The following MCOLN3 variants were observed in gnomAD, a reference collection of about 807,000 sequenced individuals.
The protein encoded by MCOLN3 is mucolipin TRP cation channel 3.
A neutral mutation model predicts 69.4 loss-of-function variants in MCOLN3; 62 were observed. That is an observed-to-expected ratio of 0.89 (90% CI 0.73 to 1.10). The LOEUF (loss-of-function observed/expected upper bound fraction) is 1.10, where lower values mean the gene tolerates loss of function less well. Among genes scored for constraint, MCOLN3 ranks in the 50% least tolerant of loss-of-function variants. The pLI is 0.00. For missense variants in MCOLN3, 564 were observed against 656.4 expected, an observed-to-expected ratio of 0.86 and a Z score of 1.54; for synonymous variants, 183 against 217.0, an observed-to-expected ratio of 0.84 and a Z score of 1.38.
chr1:85,022,655 TG>T, intron 9 of MCOLN3: 1 of 316,006 alleles, frequency 3.2e-6, no homozygotes, highest in East Asian at 6.9e-5. Flanking sequence ...GGATAAGGAA[TG>T]GGTATGGGTT....
chr1:85,018,107 A>T lies in MCOLN3; in HGVS notation c.*1016T>A, dbSNP rs1041827461. 1 of 152,224 alleles carries T rather than the reference A, an allele frequency of 6.6e-6. No individual in the cohort carries two copies. Among genetic ancestry groups the T allele is most frequent in the Non-Finnish European group, 1.5e-5 (1 of 68,040 alleles). The allele number at this position is 152,224 out of a possible 1,614,324, so 9.4% of individuals were successfully genotyped here. A position where few individuals can be genotyped will look rare whatever the true frequency, so the allele number is the denominator to read the frequency against. ...TGCATTTGGTATATGCTTTAATTTC[A>T]TGCATGTATAAGATACTCTTTTTAC... On this transcript the variant is annotated 3_prime_UTR_variant, in exon 13 of 13. Transcript: ENST00000370589.
chr1:85,029,052 C>T (rs539492503), intron 7 of MCOLN3, 54 bp downstream of exon 7: 7 of 1,178,302 alleles, frequency 5.9e-6, no homozygotes, highest in East Asian at 2.3e-5. Context: ...ATTTTAATAA[C>T]CATTTTACAT....
intron 9 of MCOLN3, chr1:85,024,974 C>G (rs1652140481): frequency 6.6e-6 from 1 of 152,210 alleles, no homozygotes; most frequent in Non-Finnish European, 1.5e-5. Context: ...GGGATATGTA[C>G]AGAAATAAAG....
At chr1:85,034,403 C>T (rs993795751) in intron 3 of MCOLN3, 152 bp from the exon 4 acceptor site, 5 of 698,634 alleles carry the variant, frequency 7.2e-6, no homozygotes, top group Admixed American at 5.7e-5. Flanking sequence ...TGCTGCTGTG[C>T]ACTAGGAAGG....
chr1:85,043,384 G>T (rs1450035238), intron 2 of MCOLN3, among the ~76,000 whole-genome samples: 2 of 152,100 alleles, frequency 1.3e-5, no homozygotes, highest in Non-Finnish European at 2.9e-5. Context: ...ACAAAAATTA[G>T]CCGGGCATGG....
intron 1 of MCOLN3, among the ~76,000 whole-genome samples, chr1:85,046,810 T>A (rs1360522740): frequency 6.6e-6 from 1 of 152,238 alleles, no homozygotes; most frequent in African/African-American, 2.4e-5. Context: ...ATTTACTGTA[T>A]GGCAAATGCA....
In MCOLN3 at chr1:85,044,983, A is replaced by G. The variant is rs1428249826; in HGVS notation, c.228+150T>C. On this transcript the variant is annotated intron_variant, in intron 2 of 12. Transcript: ENST00000370589. ...ACAAACTCTTTCACAAATGTTGAAG[A>G]CAGAAGGGTCTAAGATTGTATGTTT... 3 of 516,638 alleles carry G rather than the reference A, an allele frequency of 5.8e-6. No homozygotes were observed. The East Asian group carries it at 9.0e-5, about 16-fold the overall frequency. 32.0% of individuals were successfully genotyped at this position (516,638 alleles called of 1,614,324 possible).
rs1010948282 is a variant in MCOLN3 at position 85,021,166 on chromosome 1, A to G, written c.1431T>C (p.Phe477=). 2 of 1,613,144 alleles carry G rather than the reference A, an allele frequency of 1.2e-6. No individual in the cohort carries two copies. Among genetic ancestry groups the G allele is most frequent in the Non-Finnish European group, 1.7e-6 (2 of 1,179,206 alleles). The change falls in exon 12 of 13, where the codon TTT becomes TTC. Residue 477 remains phenylalanine, a synonymous_variant. Coordinates refer to ENST00000370589, the MANE Select transcript of MCOLN3 (RefSeq NM_018298.11). The part of the protein sequence containing the change: ...MQQKSYLVWL[F]SRIYLYSFIS... ...TGAATGAGTAGAGGTAAATTCTACT[A>G]AACAGCCAGACTAAGTAACTTTTTT...
At chr1:85,045,399 T>C in intron 1 of MCOLN3, 37 bp from the exon 2 acceptor site, 2 of 1,496,384 alleles carry the variant, frequency 1.3e-6, no homozygotes, top group Non-Finnish European at 1.8e-6. Flanking sequence ...CAACCAACAT[T>C]TCCATTTAGT....
chr1:85,048,467 T>A lies in MCOLN3; in HGVS notation c.-74A>T, dbSNP rs1557697765. The A allele has an allele frequency of 6.6e-6, 1 of 152,138 alleles. No homozygotes were observed. Among genetic ancestry groups the A allele is most frequent in the Non-Finnish European group, 1.5e-5 (1 of 68,034 alleles). The allele number at this position is 152,138 out of a possible 1,614,324, so 9.4% of individuals were successfully genotyped here. A position where few individuals can be genotyped will look rare whatever the true frequency, so the allele number is the denominator to read the frequency against. The stretch of plus-strand genomic sequence containing the variant: ...GGCGCAGGGCGAGTCAGCGAGCGAC[T>A]CCAGCAGCCTCGAGCCCCGCTCCGC... On this transcript the variant is annotated 5_prime_UTR_variant, in exon 1 of 13. Coordinates refer to ENST00000370589, the MANE Select transcript of MCOLN3 (RefSeq NM_018298.11).
chr1:85,029,099 C>T lies in MCOLN3; in HGVS notation c.832+7G>A. On this transcript the variant is annotated splice_region_variant and intron_variant, in intron 7 of 12. Coordinates refer to ENST00000370589, the MANE Select transcript of MCOLN3 (RefSeq NM_018298.11). The stretch of plus-strand genomic sequence containing the variant: ...CATTCTGAAAACTAGTAATGCGCAT[C>T]ACTTACTTGATCCAGATACATGCCA... The T allele has an allele frequency of 6.5e-7, 1 of 1,528,154 alleles. No homozygotes were observed. Among genetic ancestry groups the T allele is most frequent in the Admixed American group, 1.7e-5 (1 of 59,630 alleles). The allele number at this position is 1,528,154 out of a possible 1,614,324, so 94.7% of individuals were successfully genotyped here. A position where few individuals can be genotyped will look rare whatever the true frequency, so the allele number is the denominator to read the frequency against.
intron 2 of MCOLN3, among the ~76,000 whole-genome samples, chr1:85,041,837 T>G (rs1653080690): frequency 8.2e-6 from 1 of 121,266 alleles, no homozygotes; most frequent in Admixed American, 1.1e-4. Context: ...GCCATTGTAC[T>G]CCAGCCTGGG....
At chr1:85,024,635 A>C (rs1196754009) in intron 9 of MCOLN3, 8 of 152,184 alleles carry the variant, frequency 5.3e-5, no homozygotes, top group Non-Finnish European at 1.2e-4. Flanking sequence ...GAAGAGAAGA[A>C]AACATGATAT....
rs12075761 is a variant in MCOLN3, at chr1:85,037,355, G to T, written c.397-3104C>A. 6.4e-3 allele frequency among the ~76,000 whole-genome samples: 970 copies of T among 152,188 alleles called. 10 individuals carry two copies. The highest frequency in any genetic ancestry group is 0.022 in the African/African-American group (917 of 41,528). ...GGTAAACTGGGAAAGGCAAGCAGGG[G>T]TCACGACGCACAGTCATAGCTGTGA... On this transcript the variant is annotated intron_variant, in intron 3 of 12. Transcript: ENST00000370589.
At position 85,026,220 on chromosome 1, in the gene MCOLN3, T is replaced by A; in HGVS notation, c.897A>T (p.Ser299=). The change falls in exon 8 of 13, where the codon TCA becomes TCT. Residue 299 remains serine, a synonymous_variant. Transcript: ENST00000370589. The part of the protein sequence containing the change: ...DAFVILTCLV[S]LILCIRSVIR... ...TCACAGATCTAATGCAGAGGATTAA[T>A]GAAACCAAGCAAGTCAGAATGACAA... The A allele has an allele frequency of 6.2e-7, 1 of 1,614,130 alleles. No homozygotes were observed. Among genetic ancestry groups the A allele is most frequent in the Non-Finnish European group, 8.5e-7 (1 of 1,179,996 alleles).
At position 85,022,122 on chromosome 1, in the gene MCOLN3, T is replaced by C; in HGVS notation, c.1268A>G (p.Tyr423Cys). The C allele has an allele frequency of 6.2e-7, 1 of 1,614,114 alleles. No individual in the cohort carries two copies. Among genetic ancestry groups the C allele is most frequent in the Non-Finnish European group, 8.5e-7 (1 of 1,179,988 alleles). ...CCATCCACAGAAGCAGTAACCTAAG[T>C]AAATCATAGCTGCACAGCAGCAGAA... ...IRFCCCAAMIYLGYCFCGWIV... is the reference protein window; with the variant it reads ...IRFCCCAAMICLGYCFCGWIV... The change falls in exon 11 of 13, where the codon TAC becomes TGC. Residue 423 changes from tyrosine to cysteine, a missense_variant. Physicochemically the swap from Tyr to Cys is radical, Grantham distance 194 (BLOSUM62 -2). Coordinates refer to ENST00000370589, the MANE Select transcript of MCOLN3 (RefSeq NM_018298.11).
intron 3 of MCOLN3, among the ~76,000 whole-genome samples, chr1:85,036,138 A>G (rs1652789896): frequency 6.6e-6 from 1 of 152,158 alleles, no homozygotes; most frequent in African/African-American, 2.4e-5. Flanking sequence ...TTATTTGTTC[A>G]CTGCAGTACC....
intron 7 of MCOLN3, 76 bp from the exon 8 acceptor site, chr1:85,026,360 T>A: frequency 1.0e-6 from 1 of 988,472 alleles, no homozygotes; most frequent in Non-Finnish European, 1.6e-6. Flanking sequence ...TAGAATCATT[T>A]AAATAATTCA....
chr1:85,022,405 G>C lies in MCOLN3; in HGVS notation c.1096-5C>G. 3 of 1,555,070 alleles carry C rather than the reference G, an allele frequency of 1.9e-6. No homozygotes were observed. Among genetic ancestry groups the C allele is most frequent in the Middle Eastern group, 1.7e-4 (1 of 5,932 alleles). On this transcript the variant is annotated splice_region_variant and splice_polypyrimidine_tract_variant and intron_variant, in intron 9 of 12. Coordinates refer to ENST00000370589, the MANE Select transcript of MCOLN3 (RefSeq NM_018298.11). Reference sequence around the variant, plus strand: ...GACATCATAACTAGTTAGACTCTAAGAGAGAGTGGAAAAATATAATCAGAT... The same window carrying C: ...GACATCATAACTAGTTAGACTCTAACAGAGAGTGGAAAAATATAATCAGAT...
Sources: gnomAD v4.1 joint callset for allele counts (sites outside exome capture counted in the v4.1 genomes callset) on GRCh38, gnomAD v4.1.1 for gene constraint, MANE v1.5 for transcripts, NCBI Gene and HGNC (gene_info 2026-07-23, HGNC 2026-07-21) for gene names.